The following PHF24 variants were observed in gnomAD, a reference collection of about 807,000 sequenced individuals.
PHF24 encodes the protein PHD finger protein 24.
A neutral mutation model predicts 42.6 loss-of-function variants in PHF24; 25 were observed. That is an observed-to-expected ratio of 0.59 (90% CI 0.43 to 0.82). PHF24 has a LOEUF of 0.82. Among genes scored for constraint, PHF24 ranks in the 40% least tolerant of loss-of-function variants. The pLI is 0.00. For missense variants in PHF24, 470 were observed against 538.1 expected, an observed-to-expected ratio of 0.87 and a Z score of 1.25; for synonymous variants, 185 against 204.8, an observed-to-expected ratio of 0.90 and a Z score of 0.83.
chr9:34,794,350 A>G, the PHF24 span, among the ~76,000 whole-genome samples: 6 of 152,216 alleles, frequency 3.9e-5, no homozygotes, highest in Non-Finnish European at 5.9e-5. Context: ...AAATTAAAAC[A>G]TTAACGTTAT....
chr9:34,836,698 C>G, the PHF24 span, among the ~76,000 whole-genome samples: 2 of 152,194 alleles, frequency 1.3e-5, no homozygotes, highest in African/African-American at 4.8e-5. Context: ...TCAGCTCAGT[C>G]TGCCCATGTA....
chr9:34,875,944 A>ACTCT, the PHF24 span, among the ~76,000 whole-genome samples: 39 of 85,666 alleles, frequency 4.6e-4, no homozygotes, highest in African/African-American at 1.9e-3. Context: ...ACACACACAC[A>ACTCT]CACACACTCT....
the PHF24 span, among the ~76,000 whole-genome samples, chr9:34,951,680 G>A: frequency 2.0e-5 from 3 of 152,172 alleles, no homozygotes; most frequent in African/African-American, 7.2e-5. Context: ...CAGACCCCTA[G>A]AATTGTGAGA....
At chr9:34,738,748 A>T in the PHF24 span, among the ~76,000 whole-genome samples, 3 of 152,336 alleles carry the variant, frequency 2.0e-5, no homozygotes, top group South Asian at 4.1e-4. Flanking sequence ...TCTTTCTGAT[A>T]TAAGAGACGG....
chr9:34,797,503 A>C, the PHF24 span, among the ~76,000 whole-genome samples: 1 of 152,150 alleles, frequency 6.6e-6, no homozygotes, highest in Admixed American at 6.5e-5. Flanking sequence ...TCTCCCCCGG[A>C]GTCGGGCAGC....
chr9:34,928,116 T>G, the PHF24 span, among the ~76,000 whole-genome samples: 5 of 150,254 alleles, frequency 3.3e-5, no homozygotes, highest in African/African-American at 1.2e-4. Flanking sequence ...CTTGGGAGGC[T>G]GAGACAGGAG....
At chr9:34,764,815 C>T in the PHF24 span, among the ~76,000 whole-genome samples, 2 of 151,960 alleles carry the variant, frequency 1.3e-5, no homozygotes, top group African/African-American at 2.4e-5. Flanking sequence ...TGGATCTTTC[C>T]TGCTTTCTCT....
At chr9:34,931,206 C>A in the PHF24 span, among the ~76,000 whole-genome samples, 3 of 151,752 alleles carry the variant, frequency 2.0e-5, no homozygotes. Context: ...GAAACCCTGT[C>A]TCTACTAAAA....
chr9:34,922,250 G>A, the PHF24 span: 2 of 1,592,632 alleles, frequency 1.3e-6, no homozygotes. Flanking sequence ...ACAATGTCAA[G>A]TTGTCTCTCA....
chr9:34,977,590 G>A (rs774974734), exon 7 of PHF24: 1 of 1,609,838 alleles, frequency 6.2e-7, no homozygotes, highest in Non-Finnish European at 8.5e-7. Context: ...CCAGCCAGCA[G>A]CAGCAGCAAG....
At chr9:34,807,560 C>T in the PHF24 span, among the ~76,000 whole-genome samples, 1 of 152,080 alleles carries the variant, frequency 6.6e-6, no homozygotes, top group Admixed American at 6.6e-5. Context: ...CACATTTGAC[C>T]GTATCCTCTG....
the PHF24 span, among the ~76,000 whole-genome samples, chr9:34,857,417 G>C: frequency 6.6e-6 from 1 of 152,336 alleles, no homozygotes; most frequent in South Asian, 2.1e-4. Context: ...CTGTGCTTCA[G>C]ACCCAAGGCC....
At chr9:34,876,401 G>A in the PHF24 span, among the ~76,000 whole-genome samples, 1 of 152,144 alleles carries the variant, frequency 6.6e-6, no homozygotes, top group Admixed American at 6.5e-5. Context: ...AATCTGAAAA[G>A]GCTACATACT....
the PHF24 span, among the ~76,000 whole-genome samples, chr9:34,740,272 G>A: frequency 4.6e-5 from 7 of 152,352 alleles, no homozygotes; most frequent in Admixed American, 2.0e-4. Context: ...GGGACTGGGC[G>A]CCATGGAGCA....
chr9:34,860,330 C>T, the PHF24 span, among the ~76,000 whole-genome samples: 6 of 152,080 alleles, frequency 3.9e-5, no homozygotes, highest in African/African-American at 1.4e-4. Flanking sequence ...AAGTGGGAGT[C>T]GTAGAAGAGT....
At chr9:34,905,520 A>T in the PHF24 span, among the ~76,000 whole-genome samples, 1 of 152,250 alleles carries the variant, frequency 6.6e-6, no homozygotes, top group Admixed American at 6.5e-5. Context: ...ATCTGAGAGT[A>T]TGTGGTATAT....
the PHF24 span, chr9:34,726,852 A>G: frequency 5.2e-6 from 8 of 1,551,848 alleles, no homozygotes; most frequent in Non-Finnish European, 7.0e-6. Flanking sequence ...AATGGCCCCG[A>G]TAAAGTCAGG....
the PHF24 span, among the ~76,000 whole-genome samples, chr9:34,769,174 T>C: frequency 1.3e-5 from 2 of 152,210 alleles, no homozygotes; most frequent in African/African-American, 4.8e-5. Flanking sequence ...TGGAGTGCAG[T>C]GGCGCAGTCT....
At chr9:34,841,381 C>T in the PHF24 span, among the ~76,000 whole-genome samples, 1 of 152,078 alleles carries the variant, frequency 6.6e-6, no homozygotes, top group African/African-American at 2.4e-5. Context: ...TTTTTGCTGT[C>T]GTGAATAATG....
Sources: gnomAD v4.1 joint callset for allele counts (sites outside exome capture counted in the v4.1 genomes callset) on GRCh38, gnomAD v4.1.1 for gene constraint, MANE v1.5 for transcripts, NCBI Gene and HGNC (gene_info 2026-07-23, HGNC 2026-07-21) for gene names.